The following SNX16 variants were observed in gnomAD, a reference collection of about 807,000 sequenced individuals.
SNX16 encodes sorting nexin-16.
Under a neutral mutation model 36.7 loss-of-function variants are expected in SNX16, and 35 were observed. The observed-to-expected ratio is 0.95, with a 90% CI of 0.73 to 1.27. SNX16 has a LOEUF of 1.27. SNX16 is among the 50% of genes most tolerant of loss of function. The pLI is 0.00. For missense variants in SNX16, 367 were observed against 393.6 expected, an observed-to-expected ratio of 0.93 and a Z score of 0.57; for synonymous variants, 134 against 132.0, an observed-to-expected ratio of 1.02 and a Z score of -0.10.
At position 81,813,694 on chromosome 8, in the gene SNX16, T is replaced by C. The variant is rs146405282; in HGVS notation, c.681+1631A>G. On this transcript the variant is annotated intron_variant, in intron 5 of 7. Coordinates refer to ENST00000345957, the MANE Select transcript of SNX16 (RefSeq NM_152836.3). ...TACAAATTGTATCTCTGATAAAGGA[T>C]TAATATCTAAAGTAAAGATTTTATA... Among the ~76,000 whole-genome samples, 1,427 of 152,018 alleles carry C rather than the reference T, an allele frequency of 9.4e-3. 10 individuals carry two copies. The highest frequency in any genetic ancestry group is 0.015 in the Non-Finnish European group (1,043 of 67,812).
intron 2 of SNX16, among the ~76,000 whole-genome samples, chr8:81,836,007 G>A (rs1251157588): frequency 6.6e-6 from 1 of 152,142 alleles, no homozygotes; most frequent in African/African-American, 2.4e-5. Context: ...TCAAAAGCAA[G>A]TTAGCTATAC....
At chr8:81,841,526 C>A (rs898228932) in intron 1 of SNX16, among the ~76,000 whole-genome samples, 2 of 151,744 alleles carry the variant, frequency 1.3e-5, no homozygotes, top group Non-Finnish European at 2.9e-5. Context: ...CTGGCCTTTG[C>A]CACTCTACTA....
chr8:81,806,374 GAATGT>G (rs1809946032), intron 5 of SNX16, among the ~76,000 whole-genome samples: 1 of 151,962 alleles, frequency 6.6e-6, no homozygotes, highest in Non-Finnish European at 1.5e-5. Context: ...GAAAATCTAT[GAATGT>G]AATTTACCAC....
intron 4 of SNX16, among the ~76,000 whole-genome samples, chr8:81,816,967 A>G (rs1212453607): frequency 2.0e-5 from 3 of 152,196 alleles, no homozygotes; most frequent in Non-Finnish European, 4.4e-5. Flanking sequence ...GTTGGCTGAT[A>G]GCACAGAATA....
rs1479429705 is a variant in SNX16 at position 81,835,408 on chromosome 8, TC to T, written c.375+4203del. 2.6e-5 allele frequency among the ~76,000 whole-genome samples: 4 copies of T among 152,366 alleles called. No homozygotes were observed. In the East Asian group the frequency reaches 7.7e-4, roughly 29 times the overall value. ...GGGTTCCTTATTACTTATGCAAATT[TC>T]TACAGCCAGCTTGAATTTCTCCTCA... is the stretch of plus-strand genomic sequence containing the variant. On this transcript the variant is annotated intron_variant, in intron 2 of 7. Transcript: ENST00000345957.
Position 81,801,461 on chromosome 8 carries a change from T to G in SNX16, c.*36A>C. The G allele has an allele frequency of 1.6e-6, 2 of 1,275,764 alleles. No homozygotes were observed. The highest frequency in any genetic ancestry group is 2.2e-6 in the Non-Finnish European group (2 of 912,970). The allele number at this position is 1,275,764 out of a possible 1,614,324, so 79.0% of individuals were successfully genotyped here. A position where few individuals can be genotyped will look rare whatever the true frequency, so the allele number is the denominator to read the frequency against. On this transcript the variant is annotated 3_prime_UTR_variant, in exon 8 of 8. Coordinates refer to ENST00000345957, the MANE Select transcript of SNX16 (RefSeq NM_152836.3). The stretch of plus-strand genomic sequence containing the variant: ...AGTATTTGCCACTCTTCTAAATTTT[T>G]GAATAGTCTAAATGGAGGGAACTGC...
chr8:81,833,456 G>A (rs755406910), intron 2 of SNX16, among the ~76,000 whole-genome samples: 1 of 151,804 alleles, frequency 6.6e-6, no homozygotes, highest in Non-Finnish European at 1.5e-5. Flanking sequence ...AAGGTTACTC[G>A]GATACTCTTT....
rs184607999 is a variant in SNX16, at chr8:81,825,589, C to T, written c.463-1649G>A. 2.1e-4 allele frequency among the ~76,000 whole-genome samples: 32 copies of T among 152,262 alleles called. No individual in the cohort carries two copies. In the East Asian group the frequency reaches 5.4e-3, roughly 26 times the overall value. On this transcript the variant is annotated intron_variant, in intron 3 of 7. Transcript: ENST00000345957. ...ATGCATGCCTTAGTCATAGTTGCAT[C>T]TTTAATGTCTAGCATAGTGCCTGCT...
At chr8:81,836,249 G>C (rs994874190) in intron 2 of SNX16, among the ~76,000 whole-genome samples, 6 of 152,144 alleles carry the variant, frequency 3.9e-5, no homozygotes, top group African/African-American at 1.4e-4. Flanking sequence ...TCAAGAGTGA[G>C]TCCTAATACT....
At chr8:81,834,873 T>G (rs1391468859) in intron 2 of SNX16, among the ~76,000 whole-genome samples, 1 of 152,168 alleles carries the variant, frequency 6.6e-6, no homozygotes, top group African/African-American at 2.4e-5. Context: ...GATCTACCTT[T>G]CTAGGACCTG....
At chr8:81,801,946 A>C (rs1809717078) in intron 7 of SNX16, among the ~76,000 whole-genome samples, 2 of 151,668 alleles carry the variant, frequency 1.3e-5, no homozygotes, top group South Asian at 4.1e-4. Flanking sequence ...GTATGCAATA[A>C]AAATTCTATG....
intron 6 of SNX16, 82 bp downstream of exon 6, chr8:81,803,010 C>A (rs974624044): frequency 9.8e-6 from 12 of 1,229,798 alleles, no homozygotes; most frequent in Non-Finnish European, 1.3e-5. Flanking sequence ...ATTCCTAAAT[C>A]ATATTAAAAT....
intron 2 of SNX16, 65 bp from the exon 3 acceptor site, chr8:81,829,581 G>C (rs1811161977): frequency 4.4e-6 from 3 of 683,070 alleles, no homozygotes; most frequent in Non-Finnish European, 4.3e-6. Flanking sequence ...AAAAACTCAA[G>C]CCAAATATTT....
At chr8:81,828,220 T>C (rs913657894) in intron 3 of SNX16, among the ~76,000 whole-genome samples, 1 of 152,182 alleles carries the variant, frequency 6.6e-6, no homozygotes, top group African/African-American at 2.4e-5. Flanking sequence ...TGACTACTTA[T>C]ATATGATAAA....
chr8:81,829,297 T>A, intron 3 of SNX16, 133 bp downstream of exon 3: 1 of 338,938 alleles, frequency 3.0e-6, no homozygotes, highest in Non-Finnish European at 5.2e-6. Context: ...TTTAAAAATT[T>A]ATTTAAAAAA....
chr8:81,803,276 C>A (rs1809790761), intron 5 of SNX16, 48 bp from the exon 6 acceptor site: 2 of 1,525,782 alleles, frequency 1.3e-6, no homozygotes, highest in African/African-American at 2.8e-5. Flanking sequence ...AAAAAGAATA[C>A]AATTAATTAC....
intron 5 of SNX16, chr8:81,808,525 G>A (rs2600605): frequency 0.26 from 253,390 of 968,506 alleles, 36,182 homozygotes; most frequent in East Asian, 0.4. Flanking sequence ...AATGATGGAA[G>A]CAACTTTGGA....
rs1809643010 is a variant in SNX16 at position 81,800,643 on chromosome 8, G to C, written c.*854C>G. Reference sequence around the variant, plus strand: ...AGGAGTCAAGCCAGTTAGGAACTTTGCAGTATATATGGCTTTTTATTTTCT... The same window carrying C: ...AGGAGTCAAGCCAGTTAGGAACTTTCCAGTATATATGGCTTTTTATTTTCT... On this transcript the variant is annotated 3_prime_UTR_variant, in exon 8 of 8. Transcript: ENST00000345957. The C allele has an allele frequency of 6.6e-6, 1 of 152,146 alleles. No homozygotes were observed. The highest frequency in any genetic ancestry group is 1.5e-5 in the Non-Finnish European group (1 of 67,674). 9.4% of individuals were successfully genotyped at this position (152,146 alleles called of 1,614,324 possible).
intron 2 of SNX16, among the ~76,000 whole-genome samples, chr8:81,833,392 T>C (rs1811352749): frequency 7.0e-6 from 1 of 142,454 alleles, no homozygotes; most frequent in South Asian, 2.4e-4. Flanking sequence ...CCTTTAGCTT[T>C]GAAGTTTAAA....
Sources: allele counts gnomAD v4.1 joint callset (sites outside exome capture counted in the v4.1 genomes callset), GRCh38; gene constraint gnomAD v4.1.1; transcripts MANE v1.5; gene names NCBI Gene and HGNC (gene_info 2026-07-23, HGNC 2026-07-21).